Variants in STOX2 observed in about 807,000 individuals in gnomAD.
The protein encoded by STOX2 is storkhead-box protein 2.
A neutral mutation model predicts 60.9 loss-of-function variants in STOX2; 28 were observed. The observed-to-expected ratio is 0.46, with a 90% confidence interval of 0.34 to 0.63. The LOEUF is 0.63. STOX2 is among the 30% of genes least tolerant of loss of function. The pLI is 0.01. For missense variants in STOX2, 1,024 were observed against 1,187.7 expected (o/e 0.86, Z 2.03); for synonymous variants, 472 against 463.9 (o/e 1.02, Z -0.22).
intron 1 of STOX2, among the ~76,000 whole-genome samples, chr4:183,964,871 A>G (rs552624988): frequency 6.6e-6 from 1 of 152,360 alleles, no homozygotes. Context: ...GGCATGAGCC[A>G]CTGTGCCCAG....
At chr4:183,890,847 C>T (rs556589179) in intron 1 of STOX2, among the ~76,000 whole-genome samples, 65 of 152,284 alleles carry the variant, frequency 4.3e-4, no homozygotes, top group African/African-American at 1.5e-3. Flanking sequence ...GTGGCTCATG[C>T]CTGTAATCCC....
In STOX2 at chr4:184,011,757, C is replaced by A; in HGVS notation, c.2585+334C>A. The stretch of plus-strand genomic sequence containing the variant: ...CTAAGAGAAGGATGTTTTTTAAGTC[C>A]TTCAAAAATAGTAACTTTTTGAGTA... On this transcript the variant is annotated intron_variant, in intron 3 of 3. Transcript: ENST00000308497. The surrounding 1 kb of genome is among the most constrained non-coding windows in gnomAD (Gnocchi z 4.4). The A allele has an allele frequency of 3.2e-6, 2 of 628,756 alleles. No homozygotes were observed. Among genetic ancestry groups the A allele is most frequent in the Non-Finnish European group, 4.6e-6 (2 of 430,328 alleles). The allele number at this position is 628,756 out of a possible 1,614,324, so 38.9% of individuals were successfully genotyped here.
At chr4:183,926,179 C>G (rs1742235287) in intron 1 of STOX2, among the ~76,000 whole-genome samples, 2 of 151,312 alleles carry the variant, frequency 1.3e-5, no homozygotes, top group African/African-American at 4.9e-5. Flanking sequence ...AATAAATATT[C>G]AAGATAAAGA....
intron 3 of STOX2, chr4:184,015,918 C>T (rs960090211): frequency 6.6e-5 from 10 of 152,140 alleles, no homozygotes; most frequent in Non-Finnish European, 1.0e-4. Flanking sequence ...CTCAATCTGG[C>T]CCAGTCATCT....
intron 1 of STOX2, among the ~76,000 whole-genome samples, chr4:183,909,046 G>A (rs1741704167): frequency 6.6e-6 from 1 of 152,206 alleles, no homozygotes; most frequent in South Asian, 2.1e-4. Flanking sequence ...GGAATAAGAA[G>A]CAGGTGTTGC....
chr4:183,861,504 C>T (rs532202029), intron 1 of STOX2, among the ~76,000 whole-genome samples: 9 of 152,314 alleles, frequency 5.9e-5, no homozygotes, highest in Admixed American at 5.2e-4. Context: ...CCAGTTCTGA[C>T]GTGAGAAGCG....
intron 1 of STOX2, among the ~76,000 whole-genome samples, chr4:183,841,179 GTATTTATTTATTTATT>G (rs1553967298): frequency 1.0e-3 from 151 of 147,996 alleles, no homozygotes; most frequent in African/African-American, 3.6e-3. Flanking sequence ...TTTCATCGTA[GTATTTATTTATTTATT>G]TATTTATTTA....
intron 1 of STOX2, among the ~76,000 whole-genome samples, chr4:183,958,723 C>T (rs531733535): frequency 2.0e-5 from 3 of 152,256 alleles, no homozygotes; most frequent in South Asian, 2.1e-4. Flanking sequence ...CAGTATTTAC[C>T]TTTAACACCC....
chr4:183,928,798 T>C (rs1322963786), intron 1 of STOX2, among the ~76,000 whole-genome samples: 1 of 151,280 alleles, frequency 6.6e-6, no homozygotes, highest in African/African-American at 2.4e-5. Flanking sequence ...AGAGCGAGAC[T>C]CCATCTCAGG....
At chr4:183,938,426 T>G (rs946637124) in intron 1 of STOX2, among the ~76,000 whole-genome samples, 5 of 152,126 alleles carry the variant, frequency 3.3e-5, no homozygotes, top group African/African-American at 1.2e-4. Context: ...CCCAGCACTT[T>G]GGGAGGCCAA....
At chr4:183,817,575 A>C (rs1739182038) in intron 1 of STOX2, among the ~76,000 whole-genome samples, 1 of 152,242 alleles carries the variant, frequency 6.6e-6, no homozygotes, top group African/African-American at 2.4e-5. Flanking sequence ...ATAAAAACAA[A>C]CATTATAGTT....
rs1395031446 is a variant in STOX2 at position 183,806,962 on chromosome 4, C to G, written c.364+8907C>G. 8.3e-6 allele frequency among the ~76,000 whole-genome samples: 1 copy of G among 120,086 alleles called. No individual in the cohort carries two copies. The highest frequency in any genetic ancestry group is 1.7e-5 in the Non-Finnish European group (1 of 59,110). The allele number at this position is 120,086 out of a possible 152,430, so 78.8% of individuals were successfully genotyped here. On this transcript the variant is annotated intron_variant, in intron 1 of 2. Transcript: ENST00000513034. This position sits in a 1 kb window ranked among gnomAD's most constrained non-coding sequence, Gnocchi z 4.1. ...GGCCTTTGTGAGTCCCAGATGCTTT[C>G]TGACACTTTCTTTTTTTCTTTTTTT...
chr4:183,923,195 C>A (rs961723788), intron 1 of STOX2, among the ~76,000 whole-genome samples: 1 of 152,178 alleles, frequency 6.6e-6, no homozygotes, highest in Non-Finnish European at 1.5e-5. Flanking sequence ...TTTTGAGGAA[C>A]CACCAAACCG....
chr4:183,930,004 T>C (rs1366932728), intron 1 of STOX2, among the ~76,000 whole-genome samples: 17 of 150,314 alleles, frequency 1.1e-4, no homozygotes, highest in South Asian at 6.4e-4. Flanking sequence ...GCTGGGACTA[T>C]GGGCGCCCCT....
At chr4:184,013,978 T>A (rs1240377157) in intron 3 of STOX2, 3 of 152,074 alleles carry the variant, frequency 2.0e-5, no homozygotes, top group African/African-American at 7.2e-5. Flanking sequence ...TTGTAGATCC[T>A]TCTGCCTTGG....
At chr4:183,978,211 C>T (rs1453437591) in intron 1 of STOX2, among the ~76,000 whole-genome samples, 1 of 152,098 alleles carries the variant, frequency 6.6e-6, no homozygotes, top group African/African-American at 2.4e-5. Context: ...AGATTTTCTT[C>T]TAGGATTTTA....
At chr4:183,884,265 A>G (rs1741027256) in intron 1 of STOX2, among the ~76,000 whole-genome samples, 1 of 152,056 alleles carries the variant, frequency 6.6e-6, no homozygotes, top group Admixed American at 6.6e-5. Flanking sequence ...CACCACAGAA[A>G]AGGAGAAAGA....
At chr4:183,855,393 C>G (rs2033626) in intron 1 of STOX2, among the ~76,000 whole-genome samples, 79,469 of 151,946 alleles carry the variant, frequency 0.52, 21,298 homozygotes, top group Non-Finnish European at 0.59. Context: ...GTGAGCCTTT[C>G]TGGACTCTTG....
intron 1 of STOX2, among the ~76,000 whole-genome samples, chr4:183,952,620 T>G (rs1157000054): frequency 6.6e-6 from 1 of 152,228 alleles, no homozygotes; most frequent in Non-Finnish European, 1.5e-5. Context: ...TTGACAGCCT[T>G]AAAATCAGTG....
Sources: allele counts gnomAD v4.1 joint callset (sites outside exome capture counted in the v4.1 genomes callset), GRCh38; gene constraint gnomAD v4.1.1; non-coding constraint Gnocchi (gnomAD v3.1); transcripts MANE v1.5; gene names NCBI Gene and HGNC (gene_info 2026-07-23, HGNC 2026-07-21).